The following ZSCAN5A variants were observed in gnomAD, a reference collection of about 807,000 sequenced individuals.
The protein encoded by ZSCAN5A is zinc finger and SCAN domain-containing protein 5A.
ZSCAN5A carries 12 observed loss-of-function variants against 23.7 expected under a neutral mutation model. That is an observed-to-expected ratio of 0.51 (90% CI 0.32 to 0.82). The LOEUF (loss-of-function observed/expected upper bound fraction) is 0.82. Ranked by LOEUF, ZSCAN5A falls within the 40% of genes least tolerant of loss-of-function variation. The probability of loss-of-function intolerance (pLI) is 0.03; values close to 1 mark genes in which losing one functional copy is unlikely to be tolerated. For missense variants in ZSCAN5A, 597 were observed against 617.9 expected, an observed-to-expected ratio of 0.97 and a Z score of 0.36; for synonymous variants, 257 against 239.9, an observed-to-expected ratio of 1.07 and a Z score of -0.66.
chr19:56,261,211 A>AC (rs1444621162), intron 2 of ZSCAN5A, among the ~76,000 whole-genome samples: 4 of 151,948 alleles, frequency 2.6e-5, no homozygotes, highest in Non-Finnish European at 5.9e-5. Flanking sequence ...CTCAAAAAAA[A>AC]AAAAGAAAAA....
chr19:56,267,600 G>A (rs941962784), intron 2 of ZSCAN5A, among the ~76,000 whole-genome samples: 4 of 152,206 alleles, frequency 2.6e-5, no homozygotes, highest in African/African-American at 9.7e-5. Flanking sequence ...ACGGATACAG[G>A]ACATTCCTAT....
At chr19:56,247,095 T>C in intron 2 of ZSCAN5A, 5 of 710,788 alleles carry the variant, frequency 7.0e-6, no homozygotes, top group South Asian at 1.7e-5. Context: ...TTACGTGTAA[T>C]TCCAAGCTAG....
intron 2 of ZSCAN5A, chr19:56,266,107 C>T (rs935875848): frequency 6.6e-6 from 1 of 152,134 alleles, no homozygotes; most frequent in African/African-American, 2.4e-5. Context: ...ATCTCATTTG[C>T]AAAGAGAAAT....
intron 2 of ZSCAN5A, among the ~76,000 whole-genome samples, chr19:56,274,015 AC>A (rs906693206): frequency 1.6e-4 from 24 of 152,174 alleles, no homozygotes; most frequent in African/African-American, 5.8e-4. Context: ...GTAGAAGGTT[AC>A]GAGGCACTGA....
chr19:56,319,620 A>T (rs2041354317), upstream of ZSCAN5A, among the ~76,000 whole-genome samples: 1 of 151,828 alleles, frequency 6.6e-6, no homozygotes, highest in South Asian at 2.1e-4. Flanking sequence ...CGTGTGTTTT[A>T]GCATTTAGCA....
At chr19:56,224,022 T>G (rs1208075796) in intron 3 of ZSCAN5A, among the ~76,000 whole-genome samples, 188 bp from the exon 4 acceptor site, 1 of 151,706 alleles carries the variant, frequency 6.6e-6, no homozygotes, top group Non-Finnish European at 1.5e-5. Context: ...CTCCAGCACC[T>G]GCCTGCGCCT....
rs1213445099 is a variant in ZSCAN5A, at chr19:56,223,795, C to T, written c.424G>A (p.Asp142Asn). The change falls in exon 4 of 6, where the codon GAC becomes AAC. Residue 142 changes from aspartate (D) to asparagine (N), a missense_variant. Coordinates refer to ENST00000683990, the MANE Select transcript of ZSCAN5A (RefSeq NM_001322064.3). ...TFHGKEYIVQ[D>N]SDIEMAEAPS... is the part of the protein sequence containing the mutation. ...GCTTCAGCCATCTCGATATCTGAGTCCTGCACAATATATTCCTTTCCGTGG... is the reference window on the plus strand; with the variant it reads ...GCTTCAGCCATCTCGATATCTGAGTTCTGCACAATATATTCCTTTCCGTGG... The T allele has an allele frequency of 3.1e-6, 5 of 1,613,640 alleles. No individual in the cohort carries two copies. The highest frequency in any genetic ancestry group is 1.6e-4 in the Middle Eastern group (1 of 6,084).
chr19:56,309,380 T>C (rs34181036), intron 2 of ZSCAN5A, among the ~76,000 whole-genome samples: 14,605 of 152,206 alleles, frequency 0.096, 747 homozygotes, highest in Middle Eastern at 0.13. Flanking sequence ...GAAGTGACAA[T>C]TGCACAACAT....
At chr19:56,315,193 CG>C (rs2041279950), upstream of ZSCAN5A, 1 of 152,224 alleles carries the variant, frequency 6.6e-6, no homozygotes, top group African/African-American at 2.4e-5. Flanking sequence ...GGGAATAAGG[CG>C]GGACCAGGGA....
chr19:56,321,435 T>C, intron 2 of ZSCAN5A: 1 of 671,798 alleles, frequency 1.5e-6, no homozygotes, highest in Non-Finnish European at 2.7e-6. Flanking sequence ...CTGTGAAATG[T>C]CCAACGGCAT....
chr19:56,272,033 T>G (rs2033490), intron 2 of ZSCAN5A, among the ~76,000 whole-genome samples: 135,383 of 151,860 alleles, frequency 0.89, 60,871 homozygotes, highest in Middle Eastern at 0.94. Context: ...AGTATCACAT[T>G]AGCCTGGAAA....
chr19:56,294,001 A>G (rs1163834489), intron 2 of ZSCAN5A, among the ~76,000 whole-genome samples: 1 of 152,234 alleles, frequency 6.6e-6, no homozygotes, highest in Non-Finnish European at 1.5e-5. Flanking sequence ...CCATGTCTGC[A>G]GGAGGCCCCT....
At chr19:56,224,564 G>GA (rs2033705267) in intron 3 of ZSCAN5A, 99 bp downstream of exon 3, 1 of 1,455,102 alleles carries the variant, frequency 6.9e-7, no homozygotes, top group African/African-American at 1.4e-5. Context: ...TGGAAGCCCT[G>GA]ACCTAGAGCA....
intron 2 of ZSCAN5A, among the ~76,000 whole-genome samples, chr19:56,275,387 T>C (rs1368213079): frequency 4.6e-5 from 7 of 152,186 alleles, no homozygotes; most frequent in African/African-American, 1.7e-4. Context: ...TTCTTCTCCA[T>C]TTATTTATTC....
At chr19:56,317,964 G>A (rs539915487), upstream of ZSCAN5A, 1 of 152,290 alleles carries the variant, frequency 6.6e-6, no homozygotes, top group Non-Finnish European at 1.5e-5. Flanking sequence ...TTCTTGTTTG[G>A]ATAATGATAT....
At chr19:56,366,258 T>C (rs1342371762) in intron 1 of ZSCAN5A, among the ~76,000 whole-genome samples, 2 of 151,778 alleles carry the variant, frequency 1.3e-5, no homozygotes, top group Non-Finnish European at 2.9e-5. Context: ...CTGGCTAACA[T>C]GGTGAAACCC....
chr19:56,253,410 A>G (rs192828966), intron 2 of ZSCAN5A, among the ~76,000 whole-genome samples: 144 of 152,294 alleles, frequency 9.5e-4, no homozygotes, highest in South Asian at 1.9e-3. Flanking sequence ...GAAAGGTTGG[A>G]ACACCTGAAA....
intron 2 of ZSCAN5A, among the ~76,000 whole-genome samples, chr19:56,304,600 A>T (rs80294291): frequency 0.019 from 2,928 of 151,886 alleles, 82 homozygotes; most frequent in African/African-American, 0.062. Context: ...ATGGGGAAGA[A>T]GGTGGGAGTG....
chr19:56,246,999 A>G lies in ZSCAN5A; in HGVS notation c.-127-21826T>C, dbSNP rs761698426. The G allele has an allele frequency of 4.9e-6, 6 of 1,217,276 alleles. 1 individual carries two copies. The highest frequency in any genetic ancestry group is 7.3e-6 in the Non-Finnish European group (6 of 823,810). The allele number at this position is 1,217,276 out of a possible 1,614,324, so 75.4% of individuals were successfully genotyped here. A position where few individuals can be genotyped will look rare whatever the true frequency, so the allele number is the denominator to read the frequency against. On this transcript the variant is annotated intron_variant, in intron 2 of 5. Coordinates refer to ENST00000683990, the MANE Select transcript of ZSCAN5A (RefSeq NM_001322064.3). Reference sequence around the variant, plus strand: ...CTGAGATAAATTCAGTTTATTCCCCAGGCCCTGCAGGTGCAGTCAGTCACC... The same window carrying G: ...CTGAGATAAATTCAGTTTATTCCCCGGGCCCTGCAGGTGCAGTCAGTCACC...
Sources: allele counts gnomAD v4.1 joint callset (sites outside exome capture counted in the v4.1 genomes callset), GRCh38; gene constraint gnomAD v4.1.1; transcripts MANE v1.5; gene names NCBI Gene and HGNC (gene_info 2026-07-23, HGNC 2026-07-21).